The following PIWIL3 variants were observed in gnomAD, a reference collection of about 807,000 sequenced individuals.
The protein encoded by PIWIL3 is piwi-like protein 3.
Under a neutral mutation model 109.7 loss-of-function variants are expected in PIWIL3, and 101 were observed. The ratio of observed to expected loss-of-function variants is 0.92; its 90% CI spans 0.78 to 1.09. The LOEUF is 1.09. Ranked by LOEUF, PIWIL3 falls within the 50% of genes least tolerant of loss-of-function variation. The probability of loss-of-function intolerance (pLI) is 0.00; values close to 1 mark genes in which losing one functional copy is unlikely to be tolerated. For missense variants in PIWIL3, 1,031 were observed against 1,072.6 expected, an observed-to-expected ratio of 0.96 and a Z score of 0.54; for synonymous variants, 373 against 376.4, an observed-to-expected ratio of 0.99 and a Z score of 0.10.
rs1379395283 is a variant in PIWIL3, at chr22:24,749,466, A to G, written c.1272T>C (p.His424=). 6.2e-7 allele frequency: 1 copy of G among 1,613,796 alleles called. No homozygotes were observed. Residue 424 remains histidine (H), a synonymous_variant, in exon 11 of 21, where the codon CAT becomes CAC. Transcript: ENST00000616349. ...GCCTTCTTCTTGGACTCAATCTTGTATGTTTAGCCAATTCTTTCACAATGC... is the reference window on the plus strand; with the variant it reads ...GCCTTCTTCTTGGACTCAATCTTGTGTGTTTAGCCAATTCTTTCACAATGC... The part of the protein sequence containing the change: ...DYSIVKELAK[H]TRLSPRRRHH...
rs1375222343 is a variant in PIWIL3 at position 24,719,282 on chromosome 22, T to C, written c.*190A>G. 2 of 330,442 alleles carry C rather than the reference T, an allele frequency of 6.1e-6. No homozygotes were observed. The highest frequency in any genetic ancestry group is 9.1e-5 in the South Asian group (1 of 10,938). 20.5% of individuals were successfully genotyped at this position (330,442 alleles called of 1,614,324 possible). ...GCAAGCCAAACCCTGTCAGTTCTCC[T>C]CTCTGGAAAAATCAGTCTGTGGTAG... On this transcript the variant is annotated 3_prime_UTR_variant, in exon 21 of 21. Transcript: ENST00000616349.
chr22:24,721,750 C>G (rs1922687852), intron 19 of PIWIL3, among the ~76,000 whole-genome samples: 1 of 152,034 alleles, frequency 6.6e-6, no homozygotes, highest in Non-Finnish European at 1.5e-5. Flanking sequence ...GGCCTTTATT[C>G]CTTTTTATAT....
rs755481127 is a variant in PIWIL3 at position 24,749,353 on chromosome 22, C to A, written c.1334+51G>T. 53 of 1,598,406 alleles carry A rather than the reference C, an allele frequency of 3.3e-5. 1 individual carries two copies. Among genetic ancestry groups the A allele is most frequent in the Non-Finnish European group, 1.7e-6 (2 of 1,172,512 alleles). ...CAGGGCTGAGATGCCATCAGCTTCA[C>A]TGGGACACCATGCACATGTACACAC... On this transcript the variant is annotated intron_variant, in intron 11 of 20. Coordinates refer to ENST00000616349, the MANE Select transcript of PIWIL3 (RefSeq NM_001255975.1).
chr22:24,748,791 G>A (rs1924522755), intron 12 of PIWIL3, 116 bp downstream of exon 12: 7 of 731,658 alleles, frequency 9.6e-6, no homozygotes, highest in Non-Finnish European at 1.5e-5. Context: ...TAGAAAGAAT[G>A]AGCAGTCTGA....
intron 1 of PIWIL3, chr22:24,769,863 A>G (rs1926031343): frequency 6.6e-6 from 1 of 152,080 alleles, no homozygotes; most frequent in Non-Finnish European, 1.5e-5. Context: ...TAAAAGAAAA[A>G]AAAATCCCCA....
intron 16 of PIWIL3, 51 bp downstream of exon 16, chr22:24,727,899 T>C: frequency 2.1e-6 from 3 of 1,418,606 alleles, no homozygotes; most frequent in Middle Eastern, 2.2e-4. Flanking sequence ...ATCTTTTCTA[T>C]TTGGTCCACA....
At chr22:24,750,024 T>G (rs1474011799) in intron 9 of PIWIL3, among the ~76,000 whole-genome samples, 1 of 152,208 alleles carries the variant, frequency 6.6e-6, no homozygotes, top group East Asian at 1.9e-4. Context: ...CTTGTGAGCA[T>G]ACTTGGCCAA....
At chr22:24,758,881 G>T (rs1421727952) in intron 3 of PIWIL3, among the ~76,000 whole-genome samples, 1 of 152,056 alleles carries the variant, frequency 6.6e-6, no homozygotes, top group Non-Finnish European at 1.5e-5. Context: ...TGGCACCTTG[G>T]CACTCGCTAC....
chr22:24,752,963 T>C (rs1924801138), intron 8 of PIWIL3, among the ~76,000 whole-genome samples: 1 of 152,252 alleles, frequency 6.6e-6, no homozygotes, highest in African/African-American at 2.4e-5. Flanking sequence ...ATTTGTACAT[T>C]TTAAGAAATA....
At chr22:24,759,511 C>T (rs1925285046) in intron 3 of PIWIL3, among the ~76,000 whole-genome samples, 1 of 152,176 alleles carries the variant, frequency 6.6e-6, no homozygotes, top group Non-Finnish European at 1.5e-5. Context: ...ATGTAGGTAA[C>T]AGGTTCAACC....
intron 4 of PIWIL3, among the ~76,000 whole-genome samples, chr22:24,757,637 C>CACACACACACAT (rs371066474): frequency 0.011 from 1,353 of 122,856 alleles, 61 homozygotes; most frequent in Admixed American, 0.016. Context: ...CACACACACA[C>CACACACACACAT]ATATATAAAA....
At chr22:24,760,339 C>T (rs566244053) in intron 2 of PIWIL3, among the ~76,000 whole-genome samples, 1 of 152,030 alleles carries the variant, frequency 6.6e-6, no homozygotes, top group African/African-American at 2.4e-5. Flanking sequence ...GTTACCCAAG[C>T]CAGCAGTGGA....
rs780894038 is a variant in PIWIL3, at chr22:24,724,929, G to A, written c.2189C>T (p.Ala730Val). 3.0e-5 allele frequency: 49 copies of A among 1,613,926 alleles called. No individual in the cohort carries two copies. Among genetic ancestry groups the A allele is most frequent in the South Asian group, 1.4e-4 (13 of 91,062 alleles). Residue 730 changes from alanine to valine, a missense_variant, in exon 18 of 21, where the codon GCG becomes GTG. Transcript: ENST00000616349. ...GQLQALLDHE[A>V]KKMSTYLKTI... ...TTTTAAGTAGGTCGACATCTTTTTCGCTTCATGGTCAAGCAATGCTTGAAG... is the reference window on the plus strand; with the variant it reads ...TTTTAAGTAGGTCGACATCTTTTTCACTTCATGGTCAAGCAATGCTTGAAG...
At chr22:24,749,335 G>T in intron 11 of PIWIL3, 69 bp downstream of exon 11, 1 of 1,579,602 alleles carries the variant, frequency 6.3e-7, no homozygotes. Context: ...TGCCAGGGCT[G>T]AGATGCCATC....
intron 3 of PIWIL3, 119 bp from the exon 4 acceptor site, chr22:24,758,158 C>T: frequency 8.2e-7 from 1 of 1,215,178 alleles, no homozygotes; most frequent in Non-Finnish European, 1.1e-6. Context: ...GGTTCCAAAA[C>T]ACATTTCCGT....
chr22:24,767,410 G>A (rs9624591), intron 1 of PIWIL3, among the ~76,000 whole-genome samples: 5,455 of 151,900 alleles, frequency 0.036, 132 homozygotes, highest in African/African-American at 0.051. Context: ...AATTAGCCAG[G>A]TGTGGTGATG....
chr22:24,753,883 T>C, intron 8 of PIWIL3, 131 bp downstream of exon 8: 1 of 706,632 alleles, frequency 1.4e-6, no homozygotes, highest in Non-Finnish European at 2.4e-6. Context: ...AGGAGAGACG[T>C]GTTCAGTTGT....
intron 12 of PIWIL3, 23 bp downstream of exon 12, chr22:24,748,884 T>TG (rs1439376306): frequency 6.4e-7 from 1 of 1,569,694 alleles, no homozygotes; most frequent in Non-Finnish European, 8.7e-7. Flanking sequence ...CACCATGACA[T>TG]GATGATTTTG....
rs1923621634 is a variant in PIWIL3 at position 24,735,800 on chromosome 22, A to G, written c.1542T>C (p.Tyr514=). The change falls in exon 13 of 21, where the codon TAT becomes TAC. Residue 514 remains tyrosine (Y), a synonymous_variant. Coordinates refer to ENST00000616349, the MANE Select transcript of PIWIL3 (RefSeq NM_001255975.1). ...TGGCTTCTCTGTGACTGCTCCTGCT[A>G]TAGAGTATGAGCCAACTATGTAGTG... ...AMPLHSWLIL[Y]SRSSHREAMS... 1 of 1,613,544 alleles carries G rather than the reference A, an allele frequency of 6.2e-7. No individual in the cohort carries two copies. Among genetic ancestry groups the G allele is most frequent in the East Asian group, 2.2e-5 (1 of 44,884 alleles).
Sources: allele counts gnomAD v4.1 joint callset (sites outside exome capture counted in the v4.1 genomes callset), GRCh38; gene constraint gnomAD v4.1.1; transcripts MANE v1.5; gene names NCBI Gene and HGNC (gene_info 2026-07-23, HGNC 2026-07-21).